FLCN: variants seen among roughly 807,000 people sequenced by gnomAD.
FLCN encodes BHD skin lesion fibrofolliculoma protein.
FLCN carries 22 observed loss-of-function variants against 62.5 expected under a neutral mutation model. That is an observed-to-expected ratio of 0.35 (90% confidence interval 0.25 to 0.50). FLCN has a LOEUF of 0.50. FLCN is among the 20% of genes least tolerant of loss of function. The probability of loss-of-function intolerance (pLI) is 0.97; values close to 1 mark genes in which losing one functional copy is unlikely to be tolerated. For missense variants in FLCN, 657 were observed against 778.0 expected, an observed-to-expected ratio of 0.84 and a Z score of 1.85; for synonymous variants, 319 against 310.0, an observed-to-expected ratio of 1.03 and a Z score of -0.30.
intron 9 of FLCN, chr17:17,217,661 G>A (rs147703738): frequency 1.3e-3 from 373 of 286,436 alleles, no homozygotes; most frequent in African/African-American, 7.6e-3. Context: ...CCTGCTTGAC[G>A]GCTGCTGTTC....
Position 17,225,582 on chromosome 17 carries a change from C to T in FLCN, c.396+594G>A, listed in dbSNP as rs149045478. 162 of 158,818 alleles carry T rather than the reference C, an allele frequency of 1.0e-3. 1 individual carries two copies. The highest frequency in any genetic ancestry group is 3.5e-3 in the African/African-American group (145 of 41,632). The allele number at this position is 158,818 out of a possible 1,614,324, so 9.8% of individuals were successfully genotyped here. Reference sequence around the variant, plus strand: ...AAAAAATTAGCCGGGCATGGTGGCACACGCCTGTTGTCCCAGCTACTCAGG... The same window carrying T: ...AAAAAATTAGCCGGGCATGGTGGCATACGCCTGTTGTCCCAGCTACTCAGG... On this transcript the variant is annotated intron_variant, in intron 5 of 13. Coordinates refer to ENST00000285071, the MANE Select transcript of FLCN (RefSeq NM_144997.7).
chr17:17,227,891 C>T lies in FLCN; in HGVS notation c.247G>A (p.Glu83Lys), dbSNP rs757060348. Residue 83 changes from glutamate (E) to lysine (K), a missense_variant and splice_region_variant, in exon 4 of 14, where the codon GAG becomes AAG. Transcript: ENST00000285071. The stretch of plus-strand genomic sequence containing the variant: ...ACCAAGACCCCAAAGACACTTGCCT[C>T]GCACATGTCCGACTTTTTGGGCCCC... The part of the protein sequence containing the change: ...SPGPKKSDMC[E>K]GCRSLAAGHP... 1.7e-5 allele frequency: 27 copies of T among 1,614,020 alleles called. No homozygotes were observed. The highest frequency in any genetic ancestry group is 2.7e-5 in the African/African-American group (2 of 74,924).
At position 17,228,059 on chromosome 17, in the gene FLCN, C is replaced by T. The variant is rs779449668; in HGVS notation, c.79G>A (p.Ala27Thr). ...TTCCCATCCCCTTGAGGAAGTGGGG[C>T]GTGCAGCACCTCCGTGCAGAAGAGA... ...RTLFCTEVLH[A>T]PLPQGDGNED... Residue 27 changes from alanine (A) to threonine (T), a missense_variant, in exon 4 of 14, where the codon GCC becomes ACC. Coordinates refer to ENST00000285071, the MANE Select transcript of FLCN (RefSeq NM_144997.7). 9 of 1,613,746 alleles carry T rather than the reference C, an allele frequency of 5.6e-6. No homozygotes were observed. The highest frequency in any genetic ancestry group is 5.9e-6 in the Non-Finnish European group (7 of 1,180,030).
rs375925448 is a variant in FLCN at position 17,216,537 on chromosome 17, C to G, written c.1177-34G>C. On this transcript the variant is annotated intron_variant, in intron 10 of 13. Coordinates refer to ENST00000285071, the MANE Select transcript of FLCN (RefSeq NM_144997.7). This position sits in a 1 kb window ranked among gnomAD's most constrained non-coding sequence, Gnocchi z 4.0. ...GACAGCAGGACTCAGACCAAGGACA[C>G]GAGGAAGCCCTCAGCCCCGGCCATC... The G allele has an allele frequency of 1.2e-6, 2 of 1,612,528 alleles. No homozygotes were observed. Among genetic ancestry groups the G allele is most frequent in the Non-Finnish European group, 8.5e-7 (1 of 1,179,650 alleles).
rs767459304 is a variant in FLCN at position 17,221,632 on chromosome 17, G to C, written c.780-4C>G. 6.2e-7 allele frequency: 1 copy of C among 1,606,814 alleles called. No homozygotes were observed. Among genetic ancestry groups the C allele is most frequent in the African/African-American group, 1.3e-5 (1 of 75,050 alleles). ...GCTGCCACACGCCTTCAGGAGCCTG[G>C]AGAACACAGCACCAGCTATGAGCGT... On this transcript the variant is annotated splice_region_variant and splice_polypyrimidine_tract_variant and intron_variant, in intron 7 of 13. Coordinates refer to ENST00000285071, the MANE Select transcript of FLCN (RefSeq NM_144997.7).
intron 8 of FLCN, 153 bp downstream of exon 8, chr17:17,221,375 ACAATCACAC>A: frequency 6.2e-7 from 1 of 1,608,254 alleles, no homozygotes; most frequent in Non-Finnish European, 8.5e-7. Context: ...AACAATCACA[ACAATCACAC>A]CGAGATCGGA....
At chr17:17,235,877 A>G (rs1454440830) in intron 1 of FLCN, 1 of 152,244 alleles carries the variant, frequency 6.6e-6, no homozygotes. Context: ...CAGTCTCTTC[A>G]TCAACATATC....
rs752746072 is a variant in FLCN, at chr17:17,221,634, G to A, written c.780-6C>T. 1.7e-5 allele frequency: 27 copies of A among 1,606,550 alleles called. No homozygotes were observed. The East Asian group carries it at 3.6e-4, about 21-fold the overall frequency. ...TGCCACACGCCTTCAGGAGCCTGGA[G>A]AACACAGCACCAGCTATGAGCGTTC... On this transcript the variant is annotated splice_region_variant and splice_polypyrimidine_tract_variant and intron_variant, in intron 7 of 13. Coordinates refer to ENST00000285071, the MANE Select transcript of FLCN (RefSeq NM_144997.7).
In FLCN at chr17:17,222,526, C is replaced by T; in HGVS notation, c.754G>A (p.Ala252Thr). 2 of 1,614,244 alleles carry T rather than the reference C, an allele frequency of 1.2e-6. No individual in the cohort carries two copies. The highest frequency in any genetic ancestry group is 1.7e-6 in the Non-Finnish European group (2 of 1,180,038). The change falls in exon 7 of 14, where the codon GCG (alanine) becomes ACG (threonine). Residue 252 changes from alanine to threonine, a missense_variant. Ala to Thr is a moderately conservative substitution (Grantham distance 58). Coordinates refer to ENST00000285071, the MANE Select transcript of FLCN (RefSeq NM_144997.7). ...TSLTSDDNLWACLHTSFAWLL... is the reference protein window; with the variant it reads ...TSLTSDDNLWTCLHTSFAWLL... ...CAGGCAAAGGAGGTGTGCAGGCACGCCCACAGGTTGTCATCACTTGTCAGC... is the reference window on the plus strand; with the variant it reads ...CAGGCAAAGGAGGTGTGCAGGCACGTCCACAGGTTGTCATCACTTGTCAGC...
rs1251273774 is a variant in FLCN, at chr17:17,227,919, G to A, written c.219C>T (p.Ser73=). 6.2e-7 allele frequency: 1 copy of A among 1,614,138 alleles called. No individual in the cohort carries two copies. Among genetic ancestry groups the A allele is most frequent in the East Asian group, 2.2e-5 (1 of 44,882 alleles). Reference sequence around the variant, plus strand: ...ACATGTCCGACTTTTTGGGCCCCGGGCTGCTGGACTCGACGCTGGCCCCCT... The same window carrying A: ...ACATGTCCGACTTTTTGGGCCCCGGACTGCTGGACTCGACGCTGGCCCCCT... ...PAEGASVESS[S]PGPKKSDMCE... The change falls in exon 4 of 14, where the codon AGC becomes AGT. Residue 73 remains serine (S), a synonymous_variant. Coordinates refer to ENST00000285071, the MANE Select transcript of FLCN (RefSeq NM_144997.7).
Position 17,223,837 on chromosome 17 carries a change from C to T in FLCN, c.618+85G>A, listed in dbSNP as rs530564308. 4.7e-5 allele frequency: 64 copies of T among 1,365,120 alleles called. 1 individual carries two copies. The highest frequency in any genetic ancestry group is 2.5e-4 in the South Asian group (21 of 83,526). The allele number at this position is 1,365,120 out of a possible 1,614,324, so 84.6% of individuals were successfully genotyped here. A position where few individuals can be genotyped will look rare whatever the true frequency, so the allele number is the denominator to read the frequency against. ...TGTAAGCAGAGGGGAAGACGCCACG[C>T]GGTCTCCAGGCCTCAACCTCAGCAC... On this transcript the variant is annotated intron_variant, in intron 6 of 13. Transcript: ENST00000285071.
intron 9 of FLCN, among the ~76,000 whole-genome samples, chr17:17,218,265 G>C (rs1197934429): frequency 6.6e-6 from 1 of 152,140 alleles, no homozygotes; most frequent in South Asian, 2.1e-4. Flanking sequence ...ACATCACCCT[G>C]AACACACAGT....
intron 6 of FLCN, 113 bp downstream of exon 6, chr17:17,223,809 G>A (rs1333558934): frequency 2.8e-6 from 3 of 1,054,724 alleles, no homozygotes; most frequent in Admixed American, 2.0e-5. Flanking sequence ...ACAGTGCACT[G>A]GCTGTAAGCA....
At chr17:17,235,064 C>T (rs1351142111) in intron 1 of FLCN, among the ~76,000 whole-genome samples, 2 of 146,690 alleles carry the variant, frequency 1.4e-5, no homozygotes, top group Non-Finnish European at 3.0e-5. Flanking sequence ...GTGAGCTGAT[C>T]GCACCACTGC....
intron 3 of FLCN, among the ~76,000 whole-genome samples, chr17:17,230,892 G>A (rs938359459): frequency 2.0e-5 from 3 of 151,762 alleles, no homozygotes; most frequent in Non-Finnish European, 2.9e-5. Context: ...GTGAGACTTC[G>A]TCTCGAAAAA....
chr17:17,226,024 C>G (rs141509823), intron 5 of FLCN, 152 bp downstream of exon 5: 1 of 1,063,724 alleles, frequency 9.4e-7, no homozygotes, highest in African/African-American at 1.6e-5. Context: ...ACAAGGGAGG[C>G]GTCCTGTACC....
At chr17:17,214,922 G>T (rs1317814718) in intron 13 of FLCN, 63 bp downstream of exon 13, 10 of 1,562,042 alleles carry the variant, frequency 6.4e-6, no homozygotes, top group Non-Finnish European at 8.8e-6. Context: ...TCCTCTTTTG[G>T]AAACAGCTCC....
intron 9 of FLCN, among the ~76,000 whole-genome samples, chr17:17,218,543 C>T (rs894126504): frequency 7.2e-5 from 11 of 152,080 alleles, no homozygotes; most frequent in Non-Finnish European, 1.3e-4. Context: ...TGCCACCATG[C>T]CCAGCTAATT....
At chr17:17,230,252 T>TGCCTGTAATCCCATGA (rs1339224773) in intron 3 of FLCN, among the ~76,000 whole-genome samples, 1 of 152,174 alleles carries the variant, frequency 6.6e-6, no homozygotes, top group African/African-American at 2.4e-5. Context: ...CAGTGGCTCA[T>TGCCTGTAATCCCATGA]GCCTGTAATC....
Sources: allele counts gnomAD v4.1 joint callset (sites outside exome capture counted in the v4.1 genomes callset), GRCh38; gene constraint gnomAD v4.1.1; non-coding constraint Gnocchi (gnomAD v3.1); transcripts MANE v1.5; gene names NCBI Gene and HGNC (gene_info 2026-07-23, HGNC 2026-07-21).